Variants in FNTA observed in about 807,000 individuals in gnomAD.
FNTA encodes farnesyltransferase, CAAX box, subunit alpha, also known as protein farnesyltransferase/geranylgeranyltransferase type-1 subunit alpha.
In FNTA, 27 loss-of-function variants were observed where a neutral mutation model predicts 55.2. The ratio of observed to expected loss-of-function variants is 0.49; its 90% CI spans 0.36 to 0.67. The LOEUF (loss-of-function observed/expected upper bound fraction) is 0.67, where lower values mean the gene tolerates loss of function less well. Ranked by LOEUF, FNTA falls within the 30% of genes least tolerant of loss-of-function variation. The probability of loss-of-function intolerance (pLI) is 0.00; values close to 1 mark genes in which losing one functional copy is unlikely to be tolerated. For missense variants in FNTA, 422 were observed against 464.7 expected, an observed-to-expected ratio of 0.91 and a Z score of 0.85; for synonymous variants, 176 against 170.7, an observed-to-expected ratio of 1.03 and a Z score of -0.24.
intron 6 of FNTA, chr8:43,078,323 T>G (rs11996604): frequency 0.058 from 8,879 of 152,174 alleles, 565 homozygotes; most frequent in African/African-American, 0.16. Flanking sequence ...GAGCCTTGTA[T>G]ATATTATGTT....
chr8:43,065,113 C>A (rs963050386), intron 3 of FNTA, among the ~76,000 whole-genome samples: 1 of 151,514 alleles, frequency 6.6e-6, no homozygotes, highest in Admixed American at 6.6e-5. Context: ...GGATTACAGG[C>A]GTGAACCACC....
chr8:43,085,153 T>C lies in FNTA; in HGVS notation c.1018-7T>C. The C allele has an allele frequency of 6.6e-7, 1 of 1,526,618 alleles. No individual in the cohort carries two copies. Among genetic ancestry groups the C allele is most frequent in the Non-Finnish European group, 8.9e-7 (1 of 1,124,354 alleles). 94.6% of individuals were successfully genotyped at this position (1,526,618 alleles called of 1,614,324 possible). A position where few individuals can be genotyped will look rare whatever the true frequency, so the allele number is the denominator to read the frequency against. On this transcript the variant is annotated splice_polypyrimidine_tract_variant and splice_region_variant and intron_variant, in intron 8 of 8. Coordinates refer to ENST00000302279, the MANE Select transcript of FNTA (RefSeq NM_002027.3). ...ATATTACTTTAATTTTTATTTTTCA[T>C]TTTCAGTTATGTGAAATCCTAGCTA... is the stretch of plus-strand genomic sequence containing the variant.
At chr8:43,064,243 C>G (rs780727720) in intron 3 of FNTA, 28 bp downstream of exon 3, 117 of 1,336,934 alleles carry the variant, frequency 8.8e-5, no homozygotes, top group Non-Finnish European at 1.2e-4. Context: ...TCAGTATTCC[C>G]TGCTTAAATG....
intron 3 of FNTA, among the ~76,000 whole-genome samples, chr8:43,069,242 G>A (rs1001734865): frequency 6.6e-6 from 1 of 151,490 alleles, no homozygotes; most frequent in Non-Finnish European, 1.5e-5. Context: ...CAGCCTCCCC[G>A]AGCAGCTGGG....
chr8:43,071,953 A>G (rs1402169083), intron 4 of FNTA, among the ~76,000 whole-genome samples: 1 of 152,196 alleles, frequency 6.6e-6, no homozygotes, highest in Non-Finnish European at 1.5e-5. Context: ...TTTTTGACAC[A>G]ATTTCATGGT....
intron 5 of FNTA, chr8:43,073,477 C>G (rs578240177): frequency 5.3e-5 from 8 of 152,100 alleles, no homozygotes; most frequent in Non-Finnish European, 1.0e-4. Flanking sequence ...ATGTGAGTTA[C>G]TTACCTGGCA....
At chr8:43,067,364 C>G (rs1810684290) in intron 3 of FNTA, among the ~76,000 whole-genome samples, 1 of 152,136 alleles carries the variant, frequency 6.6e-6, no homozygotes, top group African/African-American at 2.4e-5. Flanking sequence ...TGTTGTTGAC[C>G]TCTTCCAGTT....
chr8:43,084,854 G>A lies in FNTA; in HGVS notation c.990G>A (p.Lys330=). The part of the protein sequence containing the change: ...EDMLENQCDN[K]EDILNKALEL... The stretch of plus-strand genomic sequence containing the variant: ...TGCTAGAAAATCAGTGTGACAATAA[G>A]GAAGACATTCTTAATAAAGCATTAG... Residue 330 remains lysine (K), a synonymous_variant, in exon 8 of 9, where the codon AAG becomes AAA. Transcript: ENST00000302279. 2 of 1,613,702 alleles carry A rather than the reference G, an allele frequency of 1.2e-6. No homozygotes were observed. Among genetic ancestry groups the A allele is most frequent in the Non-Finnish European group, 1.7e-6 (2 of 1,179,900 alleles).
chr8:43,071,708 A>C (rs1044758220), intron 4 of FNTA, among the ~76,000 whole-genome samples: 13 of 151,458 alleles, frequency 8.6e-5, no homozygotes, highest in South Asian at 4.2e-4. Flanking sequence ...AAAAAAAAAA[A>C]AAACAAAAAA....
intron 3 of FNTA, among the ~76,000 whole-genome samples, chr8:43,068,346 T>G (rs1279328427): frequency 2.6e-5 from 4 of 152,172 alleles, no homozygotes; most frequent in African/African-American, 9.7e-5. Flanking sequence ...GAGTTGGAAA[T>G]TTTTGAAATT....
At chr8:43,070,031 A>T (rs1586657194) in intron 4 of FNTA, 1 of 153,650 alleles carries the variant, frequency 6.5e-6, no homozygotes, top group Non-Finnish European at 1.4e-5. Context: ...AGGCGAGCAG[A>T]TCACTTGAGT....
chr8:43,060,511 C>A (rs1022555686), intron 2 of FNTA, among the ~76,000 whole-genome samples: 2 of 152,098 alleles, frequency 1.3e-5, no homozygotes, highest in African/African-American at 4.8e-5. Flanking sequence ...CCTGTCTCTA[C>A]TAAAAATACA....
At chr8:43,071,080 C>A (rs934196635) in intron 4 of FNTA, among the ~76,000 whole-genome samples, 1 of 152,130 alleles carries the variant, frequency 6.6e-6, no homozygotes, top group Non-Finnish European at 1.5e-5. Flanking sequence ...TAGAATAGGT[C>A]ATTCATTAAG....
intron 3 of FNTA, among the ~76,000 whole-genome samples, chr8:43,069,337 C>G (rs1810733169): frequency 6.6e-6 from 1 of 152,054 alleles, no homozygotes; most frequent in African/African-American, 2.4e-5. Flanking sequence ...CAAGGCTGGT[C>G]TCAAACTCTT....
At position 43,059,149 on chromosome 8, in the gene FNTA, C is replaced by T. The variant is rs774178497; in HGVS notation, c.258C>T (p.Pro86=). 9.3e-6 allele frequency: 15 copies of T among 1,612,996 alleles called. No homozygotes were observed. The highest frequency in any genetic ancestry group is 1.3e-5 in the African/African-American group (1 of 74,878). Residue 86 remains proline, a synonymous_variant, in exon 2 of 9, where the codon CCC becomes CCT. Transcript: ENST00000302279. ...TGCCGCAGAATGATGGCCCCAATCCCGTGGTCCAGATCATTTATAGTGACA... is the reference window on the plus strand; with the variant it reads ...TGCCGCAGAATGATGGCCCCAATCCTGTGGTCCAGATCATTTATAGTGACA... ...DPVPQNDGPN[P]VVQIIYSDKF...
chr8:43,084,702 G>A lies in FNTA; in HGVS notation c.846-8G>A, dbSNP rs758418629. On this transcript the variant is annotated splice_region_variant and splice_polypyrimidine_tract_variant and intron_variant, in intron 7 of 8. Transcript: ENST00000302279. ...AATCAAGTCTTTGTTTTTTGTTGTT[G>A]TTTACAGGATTTTGCAGGATCGTGG... 1.6e-5 allele frequency: 25 copies of A among 1,572,018 alleles called. No homozygotes were observed. Among genetic ancestry groups the A allele is most frequent in the Non-Finnish European group, 2.2e-5 (25 of 1,162,328 alleles).
At chr8:43,071,376 C>A (rs749053308) in intron 4 of FNTA, among the ~76,000 whole-genome samples, 1 of 151,914 alleles carries the variant, frequency 6.6e-6, no homozygotes. Flanking sequence ...ATTTTCCTAG[C>A]GCAGAAACTC....
chr8:43,070,145 A>C (rs1810754415), intron 4 of FNTA: 1 of 147,424 alleles, frequency 6.8e-6, no homozygotes, highest in Non-Finnish European at 1.5e-5. Flanking sequence ...CCAGCTACTC[A>C]AGGAGCGTGC....
chr8:43,084,917 A>G, intron 8 of FNTA, 36 bp downstream of exon 8: 1 of 1,589,020 alleles, frequency 6.3e-7, no homozygotes. Flanking sequence ...CATTTTTGGT[A>G]TCTCAGAATT....
Sources: gnomAD v4.1 joint callset for allele counts (sites outside exome capture counted in the v4.1 genomes callset) on GRCh38, gnomAD v4.1.1 for gene constraint, MANE v1.5 for transcripts, NCBI Gene and HGNC (gene_info 2026-07-23, HGNC 2026-07-21) for gene names.